The following RYR3 variants were observed in gnomAD, a reference collection of about 807,000 sequenced individuals.
RYR3 encodes ryanodine receptor 3, also known as brain ryanodine receptor-calcium release channel.
In RYR3, 207 loss-of-function variants were observed where a neutral mutation model predicts 584.3. The observed-to-expected ratio is 0.35, with a 90% CI of 0.32 to 0.40. The LOEUF (loss-of-function observed/expected upper bound fraction) is 0.40, where lower values mean the gene tolerates loss of function less well. RYR3 is among the 10% of genes least tolerant of loss of function. The pLI, the probability that RYR3 is intolerant of heterozygous loss-of-function variation, is 1.00. For missense variants in RYR3, 5,616 were observed against 6,089.2 expected, an observed-to-expected ratio of 0.92 and a Z score of 2.59; for synonymous variants, 2,416 against 2,248.5, an observed-to-expected ratio of 1.07 and a Z score of -2.11.
At chr15:33,634,754 A>T in intron 25 of RYR3, 21 bp downstream of exon 25, 1 of 1,610,572 alleles carries the variant, frequency 6.2e-7, no homozygotes, top group Non-Finnish European at 8.5e-7. Context: ...GAGAGTGTTT[A>T]TTCTGGCCCC....
At chr15:33,857,544 C>T (rs1016107423) in intron 98 of RYR3, among the ~76,000 whole-genome samples, 3 of 152,172 alleles carry the variant, frequency 2.0e-5, no homozygotes, top group South Asian at 2.1e-4. Context: ...CAATTCAGCC[C>T]CCAACACCCC....
chr15:33,548,586 G>A (rs1439746960), intron 9 of RYR3, among the ~76,000 whole-genome samples: 1 of 152,170 alleles, frequency 6.6e-6, no homozygotes, highest in Non-Finnish European at 1.5e-5. Flanking sequence ...AGCTTTAAAT[G>A]GCACACAGAC....
At chr15:33,629,381 A>G (rs1001512561) in intron 21 of RYR3, among the ~76,000 whole-genome samples, 2 of 152,258 alleles carry the variant, frequency 1.3e-5, no homozygotes, top group Non-Finnish European at 2.9e-5. Context: ...AGTGTGGGGG[A>G]AAAAGTAAAA....
At chr15:33,529,249 G>A (rs772570300) in intron 3 of RYR3, among the ~76,000 whole-genome samples, 6 of 152,290 alleles carry the variant, frequency 3.9e-5, no homozygotes, top group Non-Finnish European at 7.4e-5. Flanking sequence ...AAGCGCAGCC[G>A]CATTTATATT....
intron 1 of RYR3, among the ~76,000 whole-genome samples, chr15:33,325,471 G>T (rs899092019): frequency 6.6e-6 from 1 of 152,108 alleles, no homozygotes; most frequent in Non-Finnish European, 1.5e-5. Flanking sequence ...ATGTTGCTTA[G>T]CTTGTTTCTA....
At chr15:33,402,511 C>T (rs1384076715) in intron 1 of RYR3, among the ~76,000 whole-genome samples, 2 of 152,202 alleles carry the variant, frequency 1.3e-5, no homozygotes, top group Non-Finnish European at 2.9e-5. Context: ...TCACAGTCTG[C>T]CTTGGATAAA....
chr15:33,854,450 G>GT lies in RYR3; in HGVS notation c.13860+2dup, dbSNP rs2079431943. On this transcript the variant is annotated splice_donor_variant, in intron 97 of 103. Transcript: ENST00000634891. LOFTEE classifies it high-confidence loss of function. ...GCTTGGAGTTGTTTTTACTGACAAC[G>GT]TAAGTACTGCACCTGGAAAAACAAA... 2 of 1,568,442 alleles carry GT rather than the reference G, an allele frequency of 1.3e-6. No homozygotes were observed. Among genetic ancestry groups the GT allele is most frequent in the South Asian group, 1.2e-5 (1 of 85,198 alleles).
intron 31 of RYR3, among the ~76,000 whole-genome samples, chr15:33,649,982 C>T (rs577469769): frequency 2.6e-5 from 4 of 152,326 alleles, no homozygotes; most frequent in South Asian, 2.1e-4. Context: ...AAGACAGGAA[C>T]GTTTTGCAAT....
At chr15:33,397,874 G>T (rs1443591155) in intron 1 of RYR3, among the ~76,000 whole-genome samples, 1 of 152,018 alleles carries the variant, frequency 6.6e-6, no homozygotes, top group Non-Finnish European at 1.5e-5. Context: ...CAGAAGAGGG[G>T]GGTGTAATGA....
chr15:33,821,416 T>G (rs2077100102), intron 79 of RYR3, 47 bp downstream of exon 79: 7 of 1,584,126 alleles, frequency 4.4e-6, no homozygotes, highest in Non-Finnish European at 6.0e-6. Context: ...TCCACAAAGA[T>G]ATCATGCTGT....
At chr15:33,790,060 C>T (rs547770989) in intron 67 of RYR3, among the ~76,000 whole-genome samples, 13 of 128,790 alleles carry the variant, frequency 1.0e-4, no homozygotes, top group African/African-American at 3.4e-4. Flanking sequence ...GGTGCGATCT[C>T]GGCTCACTAC....
chr15:33,788,568 G>A (rs2074886642), intron 67 of RYR3, 110 bp downstream of exon 67: 16 of 1,239,152 alleles, frequency 1.3e-5, no homozygotes, highest in Admixed American at 2.6e-5. Context: ...TAAAGGAGGC[G>A]ATAGCCGCCC....
chr15:33,602,241 T>C (rs1340658227), intron 17 of RYR3, among the ~76,000 whole-genome samples: 1 of 152,236 alleles, frequency 6.6e-6, no homozygotes, highest in African/African-American at 2.4e-5. Flanking sequence ...GGTGCCAGCC[T>C]GGTTTTTCTT....
chr15:33,534,590 C>G (rs2055169064), intron 5 of RYR3, among the ~76,000 whole-genome samples: 3 of 152,026 alleles, frequency 2.0e-5, no homozygotes, highest in Admixed American at 2.0e-4. Flanking sequence ...CAGGATGGCA[C>G]AGGTTCTCAC....
At chr15:33,602,772 G>T (rs1224751258) in intron 17 of RYR3, among the ~76,000 whole-genome samples, 1 of 111,808 alleles carries the variant, frequency 8.9e-6, no homozygotes, top group African/African-American at 3.6e-5. Flanking sequence ...TGGAGACAAG[G>T]TCTCACTCTG....
chr15:33,759,010 G>T (rs1395472746), intron 60 of RYR3, among the ~76,000 whole-genome samples: 1 of 152,208 alleles, frequency 6.6e-6, no homozygotes. Flanking sequence ...ACAGGGTCTG[G>T]AGTGGACCTC....
intron 3 of RYR3, among the ~76,000 whole-genome samples, chr15:33,523,880 G>A (rs2054197139): frequency 6.6e-6 from 1 of 152,060 alleles, no homozygotes; most frequent in African/African-American, 2.4e-5. Flanking sequence ...AATAAAGGCT[G>A]CCTCTCTAGC....
At chr15:33,403,206 TTTAA>T (rs1427180548) in intron 1 of RYR3, among the ~76,000 whole-genome samples, 1 of 152,064 alleles carries the variant, frequency 6.6e-6, no homozygotes, top group Non-Finnish European at 1.5e-5. Context: ...TTTTGCATGT[TTTAA>T]TTATTTTCTT....
At chr15:33,839,026 T>C in intron 89 of RYR3, 68 bp downstream of exon 89, 1 of 1,540,184 alleles carries the variant, frequency 6.5e-7, no homozygotes, top group Non-Finnish European at 8.7e-7. Flanking sequence ...TATCTTGTAA[T>C]CAGTACTGAC....
Sources: gnomAD v4.1 joint callset for allele counts (sites outside exome capture counted in the v4.1 genomes callset) on GRCh38, gnomAD v4.1.1 for gene constraint, MANE v1.5 for transcripts, NCBI Gene and HGNC (gene_info 2026-07-23, HGNC 2026-07-21) for gene names.